RGS9: variants seen among roughly 807,000 people sequenced by gnomAD.
RGS9 encodes the protein regulator of G protein signaling 9, also known as regulator of G-protein signalling 9.
A neutral mutation model predicts 102.0 loss-of-function variants in RGS9; 78 were observed. That is an observed-to-expected ratio of 0.76 (90% CI 0.64 to 0.92). The LOEUF (loss-of-function observed/expected upper bound fraction) is 0.92. RGS9 is among the 40% of genes least tolerant of loss of function. The pLI, the probability that RGS9 is intolerant of heterozygous loss-of-function variation, is 0.00. For synonymous variants in RGS9, 353 were observed against 318.6 expected (o/e 1.11, Z -1.15); for missense variants, 833 against 866.1 (o/e 0.96, Z 0.48).
At chr17:65,189,368 T>A in intron 10 of RGS9, 53 bp downstream of exon 10, 1 of 1,373,298 alleles carries the variant, frequency 7.3e-7, no homozygotes. Context: ...TCTAACAGGT[T>A]ATATGTACTT....
rs114320772 is a variant in RGS9 at position 65,204,723 on chromosome 17, T to C, written c.1203+422T>C. Among the ~76,000 whole-genome samples the C allele has an allele frequency of 9.7e-3, 1,474 of 152,252 alleles. 29 individuals are homozygous for C. The highest frequency in any genetic ancestry group is 0.034 in the African/African-American group (1,402 of 41,536). The stretch of plus-strand genomic sequence containing the variant: ...TGCAGCAGTAGACAGGTAGGAGTAA[T>C]GGCATTAGTAATGACAACATTATAA... On this transcript the variant is annotated intron_variant, in intron 15 of 18. Transcript: ENST00000262406.
intron 15 of RGS9, 130 bp downstream of exon 15, chr17:65,204,431 C>A: frequency 1.8e-6 from 2 of 1,101,478 alleles, no homozygotes; most frequent in South Asian, 1.4e-5. Context: ...TGGCATGCAG[C>A]TAAGCATGGG....
chr17:65,200,690 TA>T lies in RGS9; in HGVS notation c.977-1296del, dbSNP rs542457554. Among the ~76,000 whole-genome samples, 44 of 152,228 alleles carry T rather than the reference TA, an allele frequency of 2.9e-4. No individual in the cohort carries two copies. In the East Asian group the frequency reaches 8.1e-3, roughly 28 times the overall value. On this transcript the variant is annotated intron_variant, in intron 13 of 18. Coordinates refer to ENST00000262406, the MANE Select transcript of RGS9 (RefSeq NM_003835.4). ...CTAATATGAAGCACCCAGGAGCTTT[TA>T]AAAAAATGCAGTTGACCCTTGACCA... is the stretch of plus-strand genomic sequence containing the variant.
intron 17 of RGS9, among the ~76,000 whole-genome samples, chr17:65,221,485 A>C (rs1913705664): frequency 6.6e-6 from 1 of 152,198 alleles, no homozygotes; most frequent in South Asian, 2.1e-4. Context: ...GTGAATCAGC[A>C]AGGAAAGCAA....
chr17:65,210,638 C>T, intron 17 of RGS9, 33 bp downstream of exon 17: 2 of 1,612,050 alleles, frequency 1.2e-6, no homozygotes, highest in East Asian at 2.2e-5. Flanking sequence ...GGAGCCAACT[C>T]CAAAAAGAGC....
intron 18 of RGS9, chr17:65,225,705 A>G: frequency 3.3e-6 from 2 of 605,822 alleles, no homozygotes; most frequent in Non-Finnish European, 5.8e-6. Flanking sequence ...CTTCTTTTTC[A>G]TCTTCCAAAT....
At chr17:65,225,941 G>A (rs991203889) in intron 18 of RGS9, among the ~76,000 whole-genome samples, 61 of 152,254 alleles carry the variant, frequency 4.0e-4, no homozygotes, top group African/African-American at 1.4e-3. Flanking sequence ...CCACCCTAAG[G>A]AAACCTTCCC....
intron 8 of RGS9, among the ~76,000 whole-genome samples, chr17:65,172,579 A>G (rs1212429622): frequency 6.6e-6 from 1 of 152,178 alleles, no homozygotes; most frequent in Non-Finnish European, 1.5e-5. Flanking sequence ...AAATTAACAT[A>G]TATTTTGTGA....
At position 65,201,612 on chromosome 17, in the gene RGS9, A is replaced by G. The variant is rs191720362; in HGVS notation, c.977-381A>G. Among the ~76,000 whole-genome samples, 21 of 152,358 alleles carry G rather than the reference A, an allele frequency of 1.4e-4. No individual in the cohort carries two copies. The South Asian group carries it at 2.5e-3, about 18-fold the overall frequency. ...ATTTCCTACAGCCAAATTCTAGAAT[A>G]AAAAAGAGTACGACAACCTCTGGGG... On this transcript the variant is annotated intron_variant, in intron 13 of 18. Transcript: ENST00000262406.
At chr17:65,139,312 A>T (rs538813895) in intron 1 of RGS9, among the ~76,000 whole-genome samples, 260 of 134,128 alleles carry the variant, frequency 1.9e-3, no homozygotes, top group African/African-American at 7.0e-3. Flanking sequence ...TTTCCTACAC[A>T]CACTGTTTTT....
At chr17:65,184,696 C>A (rs867979734) in intron 9 of RGS9, among the ~76,000 whole-genome samples, 2 of 151,166 alleles carry the variant, frequency 1.3e-5, no homozygotes, top group Non-Finnish European at 2.9e-5. Context: ...TCTTTCCTTC[C>A]CTCCTTCATT....
Position 65,227,208 on chromosome 17 carries a change from G to A in RGS9, c.1893-67G>A, listed in dbSNP as rs8078885. The A allele has an allele frequency of 0.014, 22,293 of 1,606,584 alleles. 2,671 individuals are homozygous for A. The African/African-American group carries it at 0.26, about 19-fold the overall frequency. On this transcript the variant is annotated intron_variant, in intron 18 of 18. Transcript: ENST00000262406. Reference sequence around the variant, plus strand: ...TGTTCATCTTCAAGGATGTCAGGATGATTTGGGGAGGTGCAGTCCCTCCTG... The same window carrying A: ...TGTTCATCTTCAAGGATGTCAGGATAATTTGGGGAGGTGCAGTCCCTCCTG...
At chr17:65,179,886 G>T (rs1598591678) in intron 9 of RGS9, 1 of 152,180 alleles carries the variant, frequency 6.6e-6, no homozygotes, top group Admixed American at 6.6e-5. Flanking sequence ...AACCCAGTGG[G>T]CAGGCTGGGT....
intron 16 of RGS9, among the ~76,000 whole-genome samples, chr17:65,209,340 G>C (rs1211979571): frequency 6.6e-6 from 1 of 152,178 alleles, no homozygotes; most frequent in African/African-American, 2.4e-5. Context: ...TCAGTGTCAG[G>C]CTTTACATCC....
intron 14 of RGS9, among the ~76,000 whole-genome samples, chr17:65,202,618 C>G (rs982300818): frequency 2.6e-5 from 4 of 152,096 alleles, no homozygotes; most frequent in African/African-American, 9.7e-5. Context: ...ACATCTCATT[C>G]CTGACATCAC....
chr17:65,148,296 C>T (rs954285970), intron 1 of RGS9, among the ~76,000 whole-genome samples: 1 of 152,198 alleles, frequency 6.6e-6, no homozygotes, highest in African/African-American at 2.4e-5. Flanking sequence ...GCATAGAACA[C>T]ATTTTCTTTG....
At chr17:65,147,565 C>T in intron 1 of RGS9, among the ~76,000 whole-genome samples, 1 of 142,896 alleles carries the variant, frequency 7.0e-6, no homozygotes, top group Non-Finnish European at 1.5e-5. Flanking sequence ...GCACCTGGAT[C>T]ATTCTCTCTC....
At chr17:65,160,669 C>G in intron 5 of RGS9, 82 bp downstream of exon 5, 2 of 1,510,052 alleles carry the variant, frequency 1.3e-6, no homozygotes, top group Non-Finnish European at 1.8e-6. Flanking sequence ...TGACATTTGT[C>G]TTGCTGTCAT....
intron 13 of RGS9, among the ~76,000 whole-genome samples, chr17:65,201,594 A>G (rs2144090831): frequency 6.6e-6 from 1 of 152,344 alleles, no homozygotes; most frequent in Middle Eastern, 3.4e-3. Context: ...AATATTTCCT[A>G]CAGCCAAATT....
Sources: allele counts gnomAD v4.1 joint callset (sites outside exome capture counted in the v4.1 genomes callset), GRCh38; gene constraint gnomAD v4.1.1; transcripts MANE v1.5; gene names NCBI Gene and HGNC (gene_info 2026-07-23, HGNC 2026-07-21).